FNIP1: variants seen among roughly 807,000 people sequenced by gnomAD.
The protein encoded by FNIP1 is folliculin-interacting protein 1.
A neutral mutation model predicts 124.5 loss-of-function variants in FNIP1; 40 were observed. The observed-to-expected ratio is 0.32, with a 90% CI of 0.25 to 0.42. FNIP1 has a LOEUF of 0.42. Among genes scored for constraint, FNIP1 ranks in the 10% least tolerant of loss-of-function variants. The pLI is 1.00. For synonymous variants in FNIP1, 472 were observed against 470.6 expected (o/e 1.00, Z -0.04); for missense variants, 1,176 against 1,403.7 (o/e 0.84, Z 2.59).
At chr5:131,680,518 T>TA (rs1414675345) in intron 11 of FNIP1, among the ~76,000 whole-genome samples, 1 of 152,204 alleles carries the variant, frequency 6.6e-6, no homozygotes, top group African/African-American at 2.4e-5. Context: ...GGTGTCCAGA[T>TA]ACGATGGAAA....
At chr5:131,710,708 A>G in intron 6 of FNIP1, 47 bp from the exon 7 acceptor site, 1 of 1,549,560 alleles carries the variant, frequency 6.5e-7, no homozygotes, top group Non-Finnish European at 8.8e-7. Context: ...ACTGTTAGAG[A>G]AGCCACAATG....
At chr5:131,650,430 A>G (rs1767007668) in intron 16 of FNIP1, among the ~76,000 whole-genome samples, 1 of 152,178 alleles carries the variant, frequency 6.6e-6, no homozygotes, top group African/African-American at 2.4e-5. Flanking sequence ...CATTGTTCGA[A>G]TAAGTATATA....
At chr5:131,740,481 T>C (rs2149557703) in intron 2 of FNIP1, among the ~76,000 whole-genome samples, 1 of 152,366 alleles carries the variant, frequency 6.6e-6, no homozygotes, top group Middle Eastern at 3.4e-3. Context: ...CAGTGAAAGC[T>C]GATACATGTG....
intron 16 of FNIP1, among the ~76,000 whole-genome samples, chr5:131,649,002 T>G (rs978865950): frequency 6.6e-6 from 1 of 152,248 alleles, no homozygotes; most frequent in Non-Finnish European, 1.5e-5. Flanking sequence ...GTCCTTTTCA[T>G]GGCTGAATAA....
At chr5:131,649,165 T>C (rs1766974732) in intron 16 of FNIP1, among the ~76,000 whole-genome samples, 1 of 152,274 alleles carries the variant, frequency 6.6e-6, no homozygotes, top group East Asian at 1.9e-4. Context: ...GTTTTGAGTA[T>C]AAACGCAGAA....
Position 131,670,646 on chromosome 5 carries a change from C to T in FNIP1, c.2940-15G>A, listed in dbSNP as rs1218482135. On this transcript the variant is annotated splice_polypyrimidine_tract_variant and intron_variant, in intron 14 of 17. Coordinates refer to ENST00000510461, the MANE Select transcript of FNIP1 (RefSeq NM_133372.3). Reference sequence around the variant, plus strand: ...TTAACTTTGACCTGGAAGAAAAATGCCCCCAAAAGACATTTATTTAGTAAT... The same window carrying T: ...TTAACTTTGACCTGGAAGAAAAATGTCCCCAAAAGACATTTATTTAGTAAT... 2.6e-6 allele frequency: 4 copies of T among 1,567,922 alleles called. No individual in the cohort carries two copies. Among genetic ancestry groups the T allele is most frequent in the Non-Finnish European group, 3.4e-6 (4 of 1,161,956 alleles).
chr5:131,685,543 G>A (rs2149521662), intron 11 of FNIP1, among the ~76,000 whole-genome samples: 1 of 149,578 alleles, frequency 6.7e-6, no homozygotes, highest in East Asian at 2.0e-4. Context: ...CCGCCTCCGA[G>A]GCTCCCTGGT....
At chr5:131,715,686 T>C (rs1769445061) in intron 6 of FNIP1, among the ~76,000 whole-genome samples, 1 of 152,122 alleles carries the variant, frequency 6.6e-6, no homozygotes, top group South Asian at 2.1e-4. Context: ...ACACACATTA[T>C]AAAGTATATG....
intron 5 of FNIP1, among the ~76,000 whole-genome samples, chr5:131,718,430 G>A (rs577891063): frequency 6.6e-6 from 1 of 152,172 alleles, no homozygotes; most frequent in East Asian, 1.9e-4. Context: ...CTCTCTCTGG[G>A]GTCTTCCACT....
Position 131,741,498 on chromosome 5 carries a change from T to C in FNIP1, c.219+3066A>G, listed in dbSNP as rs114941387. ...TTCTCCCAAAACCCATTAAATATAC[T>C]CTACATACACAATGTTTGCTTTGCA... On this transcript the variant is annotated intron_variant, in intron 2 of 17. Coordinates refer to ENST00000510461, the MANE Select transcript of FNIP1 (RefSeq NM_133372.3). 1.7e-3 allele frequency among the ~76,000 whole-genome samples: 265 copies of C among 152,334 alleles called. 1 individual carries two copies. The highest frequency in any genetic ancestry group is 6.2e-3 in the African/African-American group (259 of 41,574).
intron 17 of FNIP1, among the ~76,000 whole-genome samples, chr5:131,645,561 C>A (rs57157881): frequency 0.027 from 4,041 of 152,152 alleles, 190 homozygotes; most frequent in African/African-American, 0.092. Flanking sequence ...CTGGTAATAG[C>A]CAGTACTGAG....
At chr5:131,700,172 T>C (rs1580766638) in intron 10 of FNIP1, among the ~76,000 whole-genome samples, 1 of 151,848 alleles carries the variant, frequency 6.6e-6, no homozygotes, top group East Asian at 2.0e-4. Context: ...TTAGTAGAGA[T>C]GGGGTTTCAC....
At chr5:131,646,356 T>G (rs557671160) in intron 17 of FNIP1, among the ~76,000 whole-genome samples, 33 of 152,334 alleles carry the variant, frequency 2.2e-4, no homozygotes, top group African/African-American at 7.9e-4. Flanking sequence ...AGGATGATAG[T>G]AAGAATGAAG....
chr5:131,712,933 A>G (rs1475974328), intron 6 of FNIP1, among the ~76,000 whole-genome samples: 1 of 152,178 alleles, frequency 6.6e-6, no homozygotes, highest in African/African-American at 2.4e-5. Flanking sequence ...AATTTAGTCC[A>G]TATTATTTTA....
intron 1 of FNIP1, among the ~76,000 whole-genome samples, chr5:131,748,897 A>G (rs1040463971): frequency 1.3e-5 from 2 of 152,112 alleles, no homozygotes; most frequent in African/African-American, 4.8e-5. Context: ...TATTACTCCT[A>G]AAGACCTTAC....
chr5:131,700,703 C>T (rs1388686732), intron 10 of FNIP1, among the ~76,000 whole-genome samples: 1 of 151,344 alleles, frequency 6.6e-6, no homozygotes, highest in Non-Finnish European at 1.5e-5. Context: ...AAAATAATTG[C>T]CAAGGTGTTC....
chr5:131,791,399 A>G (rs530795524), intron 1 of FNIP1, among the ~76,000 whole-genome samples: 2 of 152,380 alleles, frequency 1.3e-5, no homozygotes, highest in South Asian at 2.1e-4. Flanking sequence ...GCAACCAGGT[A>G]GGTAACTTTG....
intron 9 of FNIP1, among the ~76,000 whole-genome samples, chr5:131,705,322 A>G (rs1769067795): frequency 6.6e-6 from 1 of 151,934 alleles, no homozygotes; most frequent in African/African-American, 2.4e-5. Context: ...AGAAAAAAAA[A>G]AAATTAGCCA....
intron 2 of FNIP1, among the ~76,000 whole-genome samples, chr5:131,735,891 C>G (rs577207871): frequency 6.6e-6 from 1 of 151,844 alleles, no homozygotes; most frequent in Non-Finnish European, 1.5e-5. Context: ...TCCTAGCTAT[C>G]TCCACAGAGC....
Sources: allele counts gnomAD v4.1 joint callset (sites outside exome capture counted in the v4.1 genomes callset), GRCh38; gene constraint gnomAD v4.1.1; transcripts MANE v1.5; gene names NCBI Gene and HGNC (gene_info 2026-07-23, HGNC 2026-07-21).